The following TACC2 variants were observed in gnomAD, a reference collection of about 807,000 sequenced individuals.
The protein encoded by TACC2 is transforming acidic coiled-coil-containing protein 2.
Under a neutral mutation model 227.3 loss-of-function variants are expected in TACC2, and 137 were observed. The ratio of observed to expected loss-of-function variants is 0.60; its 90% CI spans 0.52 to 0.69. The LOEUF is 0.69. Ranked by LOEUF, TACC2 falls within the 30% of genes least tolerant of loss-of-function variation. The pLI is 0.00. For synonymous variants in TACC2, 1,523 were observed against 1,487.5 expected (o/e 1.02, Z -0.55); for missense variants, 3,470 against 3,694.4 (o/e 0.94, Z 1.57).
At position 122,132,374 on chromosome 10, in the gene TACC2, G is replaced by A. The variant is rs148837792; in HGVS notation, c.5574-235G>A. The stretch of plus-strand genomic sequence containing the variant: ...CTGCCTGGCCAACATGGTGAAACCC[G>A]ATCTCTACTAAAAATACAAAAAAAT... On this transcript the variant is annotated intron_variant, in intron 5 of 22. Transcript: ENST00000369005. 3.2e-4 allele frequency among the ~76,000 whole-genome samples: 48 copies of A among 152,268 alleles called. 4 individuals carry two copies. The East Asian group carries it at 9.1e-3, about 29-fold the overall frequency.
chr10:122,122,485 T>C (rs2086026260), intron 5 of TACC2, among the ~76,000 whole-genome samples: 1 of 132,636 alleles, frequency 7.5e-6, no homozygotes. Context: ...TTTTTAAAAA[T>C]AATTCCTTTT....
At chr10:122,130,838 G>A (rs994514968) in intron 5 of TACC2, among the ~76,000 whole-genome samples, 3 of 149,370 alleles carry the variant, frequency 2.0e-5, no homozygotes, top group African/African-American at 7.7e-5. Flanking sequence ...TTCCTGGCAC[G>A]TATACGTAGT....
chr10:122,011,708 A>G (rs1591016299), intron 1 of TACC2, among the ~76,000 whole-genome samples: 1 of 152,288 alleles, frequency 6.6e-6, no homozygotes, highest in South Asian at 2.1e-4. Context: ...TTAGGTGATA[A>G]TTTGTTGTTG....
intron 7 of TACC2, among the ~76,000 whole-genome samples, chr10:122,154,805 C>T (rs1237994922): frequency 1.3e-5 from 2 of 152,220 alleles, no homozygotes; most frequent in Non-Finnish European, 2.9e-5. Context: ...CGCGCACCCA[C>T]CCACGCTGAC....
Position 122,227,817 on chromosome 10 carries a change from A to T in TACC2, c.7725-20A>T. 1 of 1,599,030 alleles carries T rather than the reference A, an allele frequency of 6.3e-7. No individual in the cohort carries two copies. Among genetic ancestry groups the T allele is most frequent in the Non-Finnish European group, 8.5e-7 (1 of 1,170,844 alleles). ...TTCCCAATGAGAAGACTAAAGAAAG[A>T]TGCCCTTTGCTTCCCCCAGGTCAAG... On this transcript the variant is annotated intron_variant, in intron 13 of 22. Transcript: ENST00000369005.
rs776005771 is a variant in TACC2, at chr10:122,087,913, G to C, written c.5413G>C (p.Asp1805His). 6.6e-7 allele frequency: 1 copy of C among 1,512,406 alleles called. No individual in the cohort carries two copies. Among genetic ancestry groups the C allele is most frequent in the Non-Finnish European group, 8.8e-7 (1 of 1,130,854 alleles). The allele number at this position is 1,512,406 out of a possible 1,614,324, so 93.7% of individuals were successfully genotyped here. The part of the protein sequence containing the change: ...SSPPEPDETH[D>H]PKLQHLAPEE... ...ACCTCCAGAGCCTGACGAAACTCACGACCCGAAGCTGCAACATTTGGCTCC... is the reference window on the plus strand; with the variant it reads ...ACCTCCAGAGCCTGACGAAACTCACCACCCGAAGCTGCAACATTTGGCTCC... The change falls in exon 4 of 23, where the codon GAC becomes CAC. Residue 1805 changes from aspartate (D) to histidine (H), a missense_variant. By Grantham distance (81) the Asp-to-His change is moderately conservative (BLOSUM62 -1). Coordinates refer to ENST00000369005, the MANE Select transcript of TACC2 (RefSeq NM_206862.4).
At chr10:122,044,839 A>G (rs1047677437) in intron 2 of TACC2, among the ~76,000 whole-genome samples, 1 of 152,102 alleles carries the variant, frequency 6.6e-6, no homozygotes, top group Non-Finnish European at 1.5e-5. Context: ...TTACTCAAGC[A>G]ATGGCAGCGA....
intron 3 of TACC2, among the ~76,000 whole-genome samples, chr10:122,054,198 C>T (rs1041681901): frequency 6.6e-6 from 1 of 152,214 alleles, no homozygotes; most frequent in Non-Finnish European, 1.5e-5. Context: ...ATTCGACTGT[C>T]TTGCTTTTCT....
chr10:122,108,975 C>T (rs1008502640), intron 5 of TACC2, among the ~76,000 whole-genome samples: 4 of 152,116 alleles, frequency 2.6e-5, no homozygotes, highest in Admixed American at 6.6e-5. Context: ...CCTCGTGATC[C>T]GCCCACCTCG....
At chr10:122,115,390 G>C (rs1298030281) in intron 5 of TACC2, among the ~76,000 whole-genome samples, 2 of 152,172 alleles carry the variant, frequency 1.3e-5, no homozygotes, top group Admixed American at 6.5e-5. Flanking sequence ...GGGATGTCTG[G>C]AAATGTGGGA....
chr10:122,149,963 C>T (rs572561056), intron 7 of TACC2, among the ~76,000 whole-genome samples: 2 of 152,350 alleles, frequency 1.3e-5, no homozygotes, highest in South Asian at 4.1e-4. Context: ...GATGGGTCCC[C>T]TGGTTCCCGC....
intron 7 of TACC2, chr10:122,192,813 G>GT: frequency 2.2e-6 from 1 of 456,468 alleles, no homozygotes; most frequent in South Asian, 1.5e-5. Context: ...TTATCTCTGT[G>GT]TATCTTGTCA....
At chr10:122,143,270 C>T (rs554525074) in intron 6 of TACC2, among the ~76,000 whole-genome samples, 3 of 152,232 alleles carry the variant, frequency 2.0e-5, no homozygotes, top group East Asian at 3.9e-4. Flanking sequence ...AAAAATCAAA[C>T]GAGAAAACTC....
intron 5 of TACC2, chr10:122,088,854 C>G: frequency 9.0e-7 from 1 of 1,107,528 alleles, no homozygotes; most frequent in Admixed American, 2.5e-5. Context: ...GGTGCGGTGG[C>G]TCATGCCTGT....
chr10:122,167,288 G>A (rs77992231), intron 7 of TACC2, among the ~76,000 whole-genome samples: 9,641 of 152,336 alleles, frequency 0.063, 413 homozygotes, highest in Non-Finnish European at 0.093. Flanking sequence ...GAGGGGCCAG[G>A]GTGGATGGGA....
Position 122,087,464 on chromosome 10 carries a change from C to G in TACC2, c.4964C>G (p.Thr1655Arg). 1 of 1,614,056 alleles carries G rather than the reference C, an allele frequency of 6.2e-7. No individual in the cohort carries two copies. Among genetic ancestry groups the G allele is most frequent in the Non-Finnish European group, 8.5e-7 (1 of 1,180,042 alleles). ...EANSEPWTLD[T>R]LGGERRPGVT... ...AACAGTGAGCCCTGGACCCTTGACACGCTTGGGGGTGAAAGGAGACCCGGA... is the reference window on the plus strand; with the variant it reads ...AACAGTGAGCCCTGGACCCTTGACAGGCTTGGGGGTGAAAGGAGACCCGGA... The change falls in exon 4 of 23, where the codon ACG becomes AGG. Residue 1655 changes from threonine (T) to arginine (R), a missense_variant. Thr to Arg is a moderately conservative substitution (Grantham distance 71). This residue lies in a region of TACC2 where 1,924 missense variants were observed against 1,978.3 expected (regional missense o/e 0.97). Coordinates refer to ENST00000369005, the MANE Select transcript of TACC2 (RefSeq NM_206862.4).
chr10:122,031,841 A>G (rs903887904), intron 2 of TACC2, among the ~76,000 whole-genome samples: 3 of 152,074 alleles, frequency 2.0e-5, no homozygotes, highest in Non-Finnish European at 4.4e-5. Context: ...AGTAGCTGGG[A>G]TTACAGGTGT....
chr10:122,071,603 G>A (rs147542368), intron 3 of TACC2, among the ~76,000 whole-genome samples: 19 of 151,920 alleles, frequency 1.3e-4, no homozygotes, highest in African/African-American at 4.6e-4. Context: ...GCCAGGCACA[G>A]TGGCTCACTC....
intron 12 of TACC2, 91 bp downstream of exon 12, chr10:122,224,878 A>G: frequency 9.4e-7 from 1 of 1,058,232 alleles, no homozygotes; most frequent in Non-Finnish European, 1.4e-6. Context: ...GGGAGCTCAG[A>G]CCCCAAATCG....
Sources: allele counts gnomAD v4.1 joint callset (sites outside exome capture counted in the v4.1 genomes callset), GRCh38; gene constraint gnomAD v4.1.1; regional missense constraint gnomAD v4.1.1; transcripts MANE v1.5; gene names NCBI Gene and HGNC (gene_info 2026-07-23, HGNC 2026-07-21).